Variants in FRMPD4 observed in about 807,000 individuals in gnomAD.
FRMPD4 encodes the protein FERM and PDZ domain-containing protein 4.
FRMPD4 carries 22 observed loss-of-function variants against 94.1 expected under a neutral mutation model. The ratio of observed to expected loss-of-function variants is 0.23; its 90% CI spans 0.17 to 0.33. The LOEUF (loss-of-function observed/expected upper bound fraction) is 0.33, where lower values mean the gene tolerates loss of function less well. Ranked by LOEUF, FRMPD4 falls within the 10% of genes least tolerant of loss-of-function variation. The pLI, the probability that FRMPD4 is intolerant of heterozygous loss-of-function variation, is 1.00. For synonymous variants in FRMPD4, 631 were observed against 548.6 expected, an observed-to-expected ratio of 1.15 and a Z score of -2.10; for missense variants, 1,111 against 1,339.9, an observed-to-expected ratio of 0.83 and a Z score of 2.67.
chrX:11,899,550 AGCC>A (rs2053922699), intron 3 of FRMPD4, among the ~76,000 whole-genome samples: 1 of 111,799 alleles, frequency 8.9e-6, no homozygotes, highest in Non-Finnish European at 1.9e-5. Flanking sequence ...ATGTTTATTT[AGCC>A]ATAGACGCTG....
chrX:12,690,340 C>T lies in FRMPD4; in HGVS notation c.813+14C>T. The T allele has an allele frequency of 8.3e-7, 1 of 1,202,490 alleles. No homozygotes were observed. The highest frequency in any genetic ancestry group is 1.1e-6 in the Non-Finnish European group (1 of 888,845). On this transcript the variant is annotated intron_variant, in intron 8 of 16. Transcript: ENST00000675598. ...ACTCTAACTCAGGTCTGTGAAATCT[C>T]ACCCTCAAGTGATGAGGCTGCAGGT...
At chrX:12,217,614 G>C (rs1314703325) in intron 1 of FRMPD4, among the ~76,000 whole-genome samples, 1 of 112,162 alleles carries the variant, frequency 8.9e-6, no homozygotes, top group Non-Finnish European at 1.9e-5. Flanking sequence ...TAATATTTTG[G>C]TTATGTCTTT....
intron 2 of FRMPD4, among the ~76,000 whole-genome samples, chrX:12,534,237 T>C (rs2058315485): frequency 8.9e-6 from 1 of 112,732 alleles, no homozygotes; most frequent in Admixed American, 9.3e-5. Flanking sequence ...AGAATCGGGG[T>C]TTGGGAACCT....
At chrX:11,851,576 A>T (rs1373770961) in intron 1 of FRMPD4, among the ~76,000 whole-genome samples, 1 of 111,657 alleles carries the variant, frequency 9.0e-6, no homozygotes, top group African/African-American at 3.3e-5. Context: ...ACTTGGCTTT[A>T]TCATGACATT....
chrX:12,376,070 G>T (rs780854441), intron 1 of FRMPD4, among the ~76,000 whole-genome samples: 2 of 112,088 alleles, frequency 1.8e-5, no homozygotes, highest in Non-Finnish European at 3.8e-5. Context: ...TGTGTTCCTC[G>T]ATGGTAGGGC....
intron 1 of FRMPD4, among the ~76,000 whole-genome samples, chrX:12,148,262 TAA>T (rs1160673201): frequency 8.9e-6 from 1 of 111,977 alleles, no homozygotes; most frequent in East Asian, 2.8e-4. Flanking sequence ...TGAAGGAAAT[TAA>T]AAGTGCTACT....
intron 1 of FRMPD4, among the ~76,000 whole-genome samples, chrX:12,231,134 C>T (rs1017114135): frequency 1.1e-5 from 1 of 88,092 alleles, no homozygotes; most frequent in Non-Finnish European, 2.2e-5. Flanking sequence ...ACTGCAGACT[C>T]GACCTGCCGG....
At chrX:12,687,522 G>A (rs1460248369) in intron 7 of FRMPD4, among the ~76,000 whole-genome samples, 2 of 111,875 alleles carry the variant, frequency 1.8e-5, no homozygotes, top group Admixed American at 1.9e-4. Flanking sequence ...CAGGAAAGCA[G>A]CCATGAACAG....
At position 12,380,867 on chromosome X, in the gene FRMPD4, T is replaced by C. The variant is rs766667689; in HGVS notation, c.42-117813T>C. ...ACAGGGAAATAGAGAGCTCATAGTC[T>C]CTCCACTGTACGGTTGAGAGGACAG... On this transcript the variant is annotated intron_variant, in intron 1 of 16. Coordinates refer to ENST00000675598, the MANE Select transcript of FRMPD4 (RefSeq NM_001368397.1). Among the ~76,000 whole-genome samples, 18 of 111,942 alleles carry C rather than the reference T, an allele frequency of 1.6e-4. No homozygotes were observed. The South Asian group carries it at 6.8e-3, about 42-fold the overall frequency.
At chrX:12,306,929 C>A (rs2054950214) in intron 1 of FRMPD4, among the ~76,000 whole-genome samples, 1 of 110,198 alleles carries the variant, frequency 9.1e-6, no homozygotes, top group Non-Finnish European at 1.9e-5. Context: ...TTTCCATAGG[C>A]CCAAATGAGA....
At chrX:11,959,410 T>C (rs943361815) in intron 3 of FRMPD4, among the ~76,000 whole-genome samples, 1 of 112,014 alleles carries the variant, frequency 8.9e-6, no homozygotes, top group African/African-American at 3.2e-5. Context: ...TGCAATGGAG[T>C]GTCACGTCCC....
At chrX:11,888,640 G>A (rs1198920970) in intron 3 of FRMPD4, among the ~76,000 whole-genome samples, 1 of 111,687 alleles carries the variant, frequency 9.0e-6, no homozygotes, top group Non-Finnish European at 1.9e-5. Flanking sequence ...AGATATTGCA[G>A]GTTGGTTCCA....
At chrX:12,550,480 G>T (rs957447787) in intron 2 of FRMPD4, among the ~76,000 whole-genome samples, 2 of 111,375 alleles carry the variant, frequency 1.8e-5, no homozygotes, top group African/African-American at 6.5e-5. Flanking sequence ...TCCCAGGAAA[G>T]AGTGTAATGA....
rs767396625 is a variant in FRMPD4 at position 12,473,348 on chromosome X, C to A, written c.42-25332C>A. Among the ~76,000 whole-genome samples, 7 of 110,027 alleles carry A rather than the reference C, an allele frequency of 6.4e-5. No homozygotes were observed. In the South Asian group the frequency reaches 2.6e-3, roughly 41 times the overall value. Reference sequence around the variant, plus strand: ...ATGGAAAGGAACAACTGGTACCAGCCACTGCAAAAACATGCCAAATTGTAA... The same window carrying A: ...ATGGAAAGGAACAACTGGTACCAGCAACTGCAAAAACATGCCAAATTGTAA... On this transcript the variant is annotated intron_variant, in intron 1 of 16. Coordinates refer to ENST00000675598, the MANE Select transcript of FRMPD4 (RefSeq NM_001368397.1).
intron 2 of FRMPD4, among the ~76,000 whole-genome samples, chrX:12,554,563 C>T (rs1026596942): frequency 8.9e-6 from 1 of 112,107 alleles, no homozygotes; most frequent in African/African-American, 3.2e-5. Context: ...TTGTTTCACT[C>T]TTAACAAATA....
chrX:11,847,510 G>A, intron 1 of FRMPD4, among the ~76,000 whole-genome samples: 1 of 108,419 alleles, frequency 9.2e-6, no homozygotes, highest in Non-Finnish European at 1.9e-5. Flanking sequence ...AATGCCATTT[G>A]ACCCAGCCAT....
At chrX:12,053,507 G>C (rs1372753264) in intron 3 of FRMPD4, among the ~76,000 whole-genome samples, 1 of 109,661 alleles carries the variant, frequency 9.1e-6, no homozygotes, top group Non-Finnish European at 1.9e-5. Flanking sequence ...AAGAAAGAAG[G>C]AAGGAAGGAA....
chrX:12,181,187 A>C (rs1482835041), intron 1 of FRMPD4, among the ~76,000 whole-genome samples: 1 of 111,463 alleles, frequency 9.0e-6, no homozygotes, highest in Non-Finnish European at 1.9e-5. Flanking sequence ...AACAGTGGAG[A>C]GCTGTTGGAG....
rs777473402 is a variant in FRMPD4 at position 12,409,195 on chromosome X, T to C, written c.42-89485T>C. ...CTCTGGTGGATTTCAATACAGCACCTTTTTCAAAAATATAGCAGCGGTTCT... is the reference window on the plus strand; with the variant it reads ...CTCTGGTGGATTTCAATACAGCACCCTTTTCAAAAATATAGCAGCGGTTCT... On this transcript the variant is annotated intron_variant, in intron 1 of 16. Coordinates refer to ENST00000675598, the MANE Select transcript of FRMPD4 (RefSeq NM_001368397.1). Among the ~76,000 whole-genome samples the C allele has an allele frequency of 2.7e-5, 3 of 111,987 alleles. No individual in the cohort carries two copies. The East Asian group carries it at 8.5e-4, about 32-fold the overall frequency.
Sources: gnomAD v4.1 joint callset for allele counts (sites outside exome capture counted in the v4.1 genomes callset) on GRCh38, gnomAD v4.1.1 for gene constraint, MANE v1.5 for transcripts, NCBI Gene and HGNC (gene_info 2026-07-23, HGNC 2026-07-21) for gene names.